The following CCDC38 variants were observed in gnomAD, a reference collection of about 807,000 sequenced individuals.
CCDC38 encodes the protein coiled-coil domain containing 38.
CCDC38 carries 69 observed loss-of-function variants against 72.8 expected under a neutral mutation model. The ratio of observed to expected loss-of-function variants is 0.95; its 90% CI spans 0.78 to 1.16. CCDC38 has a LOEUF of 1.16. CCDC38 is among the 50% of genes most tolerant of loss of function. The pLI, the probability that CCDC38 is intolerant of heterozygous loss-of-function variation, is 0.00. For synonymous variants in CCDC38, 201 were observed against 213.2 expected (o/e 0.94, Z 0.50); for missense variants, 626 against 638.9 (o/e 0.98, Z 0.22).
chr12:95,927,681 T>C (rs1245354054), intron 2 of CCDC38, among the ~76,000 whole-genome samples: 1 of 152,234 alleles, frequency 6.6e-6, no homozygotes, highest in Non-Finnish European at 1.5e-5. Flanking sequence ...TGGTATTGGT[T>C]GTTCCTTTCC....
chr12:95,871,236 C>T (rs971138781), intron 14 of CCDC38, among the ~76,000 whole-genome samples: 2 of 152,156 alleles, frequency 1.3e-5, no homozygotes, highest in Admixed American at 6.5e-5. Flanking sequence ...ATTCAACCAA[C>T]TGCAGATTGA....
At chr12:95,914,432 C>T (rs751528394) in intron 4 of CCDC38, among the ~76,000 whole-genome samples, 2 of 152,230 alleles carry the variant, frequency 1.3e-5, no homozygotes, top group African/African-American at 2.4e-5. Context: ...CCTACTTCAA[C>T]ATTATCAACA....
At chr12:95,878,392 G>C in intron 12 of CCDC38, 46 bp from the exon 13 acceptor site, 1 of 1,575,388 alleles carries the variant, frequency 6.3e-7, no homozygotes, top group African/African-American at 1.4e-5. Context: ...TTTGTGGTTA[G>C]TGAAATAACC....
Position 95,898,442 on chromosome 12 carries a change from T to G in CCDC38, c.557A>C (p.Lys186Thr). The G allele has an allele frequency of 6.2e-7, 1 of 1,614,160 alleles. No homozygotes were observed. The highest frequency in any genetic ancestry group is 8.5e-7 in the Non-Finnish European group (1 of 1,180,012). The change falls in exon 7 of 16, where the codon AAA becomes ACA. Residue 186 changes from lysine (K) to threonine (T), a missense_variant. Physicochemically the swap from Lys to Thr is moderately conservative, Grantham distance 78. Coordinates refer to ENST00000344280, the MANE Select transcript of CCDC38 (RefSeq NM_182496.3). Reference sequence around the variant, plus strand: ...CTTCAGCTCTGCTGTCATTTGGAGTTTGTTTATTGTTTCCTGTGCTGCCCT... The same window carrying G: ...CTTCAGCTCTGCTGTCATTTGGAGTGTGTTTATTGTTTCCTGTGCTGCCCT... ...LKMAAQETINKLQMTAELKKA... is the reference protein window; with the variant it reads ...LKMAAQETINTLQMTAELKKA...
chr12:95,933,990 A>G (rs1007580783), intron 2 of CCDC38: 2 of 152,190 alleles, frequency 1.3e-5, no homozygotes, highest in African/African-American at 4.8e-5. Flanking sequence ...CCTGGGCAAC[A>G]TGGCAAGACC....
At chr12:95,876,812 A>T (rs546335434) in intron 13 of CCDC38, among the ~76,000 whole-genome samples, 44 of 152,236 alleles carry the variant, frequency 2.9e-4, no homozygotes, top group Non-Finnish European at 4.4e-4. Context: ...TCTGTTTGAA[A>T]ATCAAGTTCA....
chr12:95,928,430 A>G (rs2080297402), intron 2 of CCDC38, among the ~76,000 whole-genome samples: 1 of 152,138 alleles, frequency 6.6e-6, no homozygotes, highest in African/African-American at 2.4e-5. Flanking sequence ...TATTCTAGTT[A>G]TACATTCTTC....
At chr12:95,903,766 G>C (rs2079974103) in intron 5 of CCDC38, 1 of 275,248 alleles carries the variant, frequency 3.6e-6, no homozygotes, top group Admixed American at 5.1e-5. Flanking sequence ...TATCTTTTTA[G>C]TATTATTGGA....
chr12:95,874,483 G>A (rs1239463213), intron 13 of CCDC38, among the ~76,000 whole-genome samples: 1 of 152,092 alleles, frequency 6.6e-6, no homozygotes, highest in Admixed American at 6.5e-5. Context: ...AACAAGGTAA[G>A]AACAAGAGAT....
At chr12:95,929,325 T>C (rs919567696) in intron 2 of CCDC38, among the ~76,000 whole-genome samples, 13 of 152,260 alleles carry the variant, frequency 8.5e-5, no homozygotes, top group African/African-American at 2.4e-4. Flanking sequence ...GTCACCCCTT[T>C]CTTTGACTAG....
chr12:95,903,472 A>AG (rs1273500858), intron 5 of CCDC38: 8 of 700,252 alleles, frequency 1.1e-5, no homozygotes, highest in Non-Finnish European at 2.1e-5. Context: ...TCCTAATCTT[A>AG]GGGGGAAAGC....
intron 2 of CCDC38, chr12:95,934,014 C>T (rs1017596421): frequency 8.6e-5 from 13 of 151,748 alleles, no homozygotes; most frequent in African/African-American, 3.1e-4. Context: ...TCTATAAAAA[C>T]AATTGTTTTT....
intron 13 of CCDC38, among the ~76,000 whole-genome samples, chr12:95,874,786 G>C (rs1341398027): frequency 1.3e-5 from 2 of 152,206 alleles, no homozygotes; most frequent in African/African-American, 4.8e-5. Context: ...TATGACCAGA[G>C]CAGTGTTTTA....
chr12:95,918,718 G>A (rs1042299972), intron 3 of CCDC38, among the ~76,000 whole-genome samples, 158 bp downstream of exon 3: 1 of 152,168 alleles, frequency 6.6e-6, no homozygotes, highest in Non-Finnish European at 1.5e-5. Context: ...ATGTTTTTCT[G>A]TCGTTTGTGT....
chr12:95,877,393 G>A (rs953826143), intron 13 of CCDC38, among the ~76,000 whole-genome samples: 2 of 152,138 alleles, frequency 1.3e-5, no homozygotes, highest in African/African-American at 4.8e-5. Flanking sequence ...CCTATAACCA[G>A]TTACAGAAAT....
At chr12:95,887,649 A>T (rs536113767) in intron 10 of CCDC38, among the ~76,000 whole-genome samples, 15 of 152,226 alleles carry the variant, frequency 9.9e-5, no homozygotes, top group African/African-American at 3.4e-4. Context: ...AACATGAAGA[A>T]CCCTGCGCTG....
chr12:95,925,892 C>T (rs2080265015), intron 2 of CCDC38, among the ~76,000 whole-genome samples: 2 of 140,328 alleles, frequency 1.4e-5, no homozygotes, highest in African/African-American at 5.4e-5. Flanking sequence ...GGATGAAGCC[C>T]ACTTGATCAC....
intron 4 of CCDC38, among the ~76,000 whole-genome samples, chr12:95,907,460 C>CCA (rs1342073084): frequency 1.7e-5 from 2 of 120,644 alleles, no homozygotes; most frequent in Non-Finnish European, 3.3e-5. Context: ...GGGCTGACCC[C>CCA]CCCACCTCCC....
chr12:95,898,284 C>T (rs2079912403), intron 7 of CCDC38, 101 bp downstream of exon 7: 1 of 1,135,414 alleles, frequency 8.8e-7, no homozygotes, highest in East Asian at 2.3e-5. Context: ...ATGACATCAT[C>T]AACTGATAAG....
Sources: gnomAD v4.1 joint callset for allele counts (sites outside exome capture counted in the v4.1 genomes callset) on GRCh38, gnomAD v4.1.1 for gene constraint, MANE v1.5 for transcripts, NCBI Gene and HGNC (gene_info 2026-07-23, HGNC 2026-07-21) for gene names.